Variants in SGCZ observed in about 807,000 individuals in gnomAD.
The protein encoded by SGCZ is zeta-sarcoglycan.
A neutral mutation model predicts 41.3 loss-of-function variants in SGCZ; 40 were observed. That is an observed-to-expected ratio of 0.97 (90% CI 0.75 to 1.26). SGCZ has a LOEUF of 1.26. Ranked by LOEUF, SGCZ falls within the 50% of genes most tolerant of loss-of-function variation. The pLI is 0.00. For missense variants in SGCZ, 552 were observed against 369.8 expected (o/e 1.49, Z -4.04); for synonymous variants, 206 against 137.5 (o/e 1.50, Z -3.49).
intron 2 of SGCZ, among the ~76,000 whole-genome samples, chr8:14,463,333 A>G (rs1321149582): frequency 6.6e-6 from 1 of 151,422 alleles, no homozygotes; most frequent in African/African-American, 2.4e-5. Flanking sequence ...ACAGTAATCA[A>G]TAGTGTAGTA....
rs73665750 is a variant in SGCZ, at chr8:14,087,714, T to A, written c.*2729A>T. ...TGCAATTAAGGGACCACTATATTTT[T>A]AAAAAAAAAAAAATGCTTTTTTGTG... On this transcript the variant is annotated 3_prime_UTR_variant, in exon 8 of 8. Coordinates refer to ENST00000382080, the MANE Select transcript of SGCZ (RefSeq NM_139167.4). Among the ~76,000 whole-genome samples, 15,962 of 147,448 alleles carry A rather than the reference T, an allele frequency of 0.11. 1,028 individuals carry two copies. Among genetic ancestry groups the A allele is most frequent in the African/African-American group, 0.18 (7,466 of 40,552 alleles).
intron 2 of SGCZ, among the ~76,000 whole-genome samples, chr8:14,341,959 G>C (rs886961310): frequency 6.6e-6 from 1 of 152,168 alleles, no homozygotes; most frequent in East Asian, 1.9e-4. Context: ...ATTTGTACCA[G>C]TAGAATGTGG....
chr8:14,253,935 T>C (rs1437552169), intron 3 of SGCZ, among the ~76,000 whole-genome samples: 16 of 81,066 alleles, frequency 2.0e-4, no homozygotes, highest in South Asian at 1.8e-3. Flanking sequence ...TTCTCACTTG[T>C]TCTGCTTTTC....
At chr8:14,295,239 G>C (rs189689655) in intron 3 of SGCZ, among the ~76,000 whole-genome samples, 1 of 152,244 alleles carries the variant, frequency 6.6e-6, no homozygotes, top group African/African-American at 2.4e-5. Context: ...CCATGCAGTG[G>C]GTTGCTATTC....
intron 1 of SGCZ, among the ~76,000 whole-genome samples, chr8:14,890,382 T>A (rs1804968144): frequency 6.6e-6 from 1 of 152,188 alleles, no homozygotes; most frequent in Non-Finnish European, 1.5e-5. Context: ...GAAACAGCCT[T>A]ATTTTTGATA....
chr8:14,411,225 C>A lies in SGCZ; in HGVS notation c.235-87021G>T, dbSNP rs552982537. The stretch of plus-strand genomic sequence containing the variant: ...AAGCATGTTCTCTCCTTAGAAACAG[C>A]CCTACAACTCTTACATAGTATGAAG... On this transcript the variant is annotated intron_variant, in intron 2 of 7. Coordinates refer to ENST00000382080, the MANE Select transcript of SGCZ (RefSeq NM_139167.4). 1.4e-3 allele frequency among the ~76,000 whole-genome samples: 216 copies of A among 152,138 alleles called. 1 individual carries two copies. The highest frequency in any genetic ancestry group is 2.5e-3 in the Non-Finnish European group (172 of 67,984).
At chr8:15,111,085 T>C (rs1477336062) in intron 1 of SGCZ, among the ~76,000 whole-genome samples, 1 of 152,158 alleles carries the variant, frequency 6.6e-6, no homozygotes, top group Non-Finnish European at 1.5e-5. Flanking sequence ...CAATTCACGC[T>C]TATTTCATAA....
chr8:14,434,567 A>T (rs984954957), intron 2 of SGCZ, among the ~76,000 whole-genome samples: 1 of 152,078 alleles, frequency 6.6e-6, no homozygotes, highest in Non-Finnish European at 1.5e-5. Context: ...CAGTGTGGTC[A>T]TTTTCACAAT....
intron 3 of SGCZ, among the ~76,000 whole-genome samples, chr8:14,266,274 T>TA (rs1187156505): frequency 6.6e-6 from 1 of 152,084 alleles, no homozygotes; most frequent in African/African-American, 2.4e-5. Context: ...GCAATACAAA[T>TA]ATAACAGGCA....
intron 1 of SGCZ, among the ~76,000 whole-genome samples, chr8:14,867,253 T>G (rs548274090): frequency 2.0e-5 from 3 of 152,264 alleles, no homozygotes; most frequent in Middle Eastern, 3.4e-3. Context: ...GGTCTCGATC[T>G]CCATCCATAT....
intron 1 of SGCZ, among the ~76,000 whole-genome samples, chr8:15,005,876 G>A (rs1390205564): frequency 1.3e-5 from 2 of 152,066 alleles, no homozygotes; most frequent in East Asian, 3.9e-4. Flanking sequence ...CAGATTCTTA[G>A]GAATAATTGC....
chr8:14,370,829 A>G (rs927401216), intron 2 of SGCZ, among the ~76,000 whole-genome samples: 2 of 151,938 alleles, frequency 1.3e-5, no homozygotes. Flanking sequence ...AGTTTTTGGT[A>G]AAAATTTAAA....
chr8:14,150,869 G>A (rs139633165), intron 5 of SGCZ, among the ~76,000 whole-genome samples: 1 of 152,158 alleles, frequency 6.6e-6, no homozygotes, highest in African/African-American at 2.4e-5. Flanking sequence ...CCAGTCACTT[G>A]CATCAACGTG....
chr8:14,416,133 T>A (rs1173066654), intron 2 of SGCZ, among the ~76,000 whole-genome samples: 1 of 151,942 alleles, frequency 6.6e-6, no homozygotes, highest in Non-Finnish European at 1.5e-5. Context: ...TTAGGCCAGA[T>A]CTTCCAATTA....
chr8:14,178,548 T>A (rs940583771), intron 4 of SGCZ, among the ~76,000 whole-genome samples: 1 of 152,174 alleles, frequency 6.6e-6, no homozygotes, highest in Admixed American at 6.5e-5. Context: ...CTATTGGATG[T>A]TTGTCTGTTG....
intron 2 of SGCZ, among the ~76,000 whole-genome samples, chr8:14,516,778 C>T (rs1439331307): frequency 3.3e-5 from 5 of 152,056 alleles, no homozygotes; most frequent in Non-Finnish European, 7.4e-5. Flanking sequence ...ACTATTAAAT[C>T]TGTGCCATCC....
At chr8:14,904,383 G>A (rs528032298) in intron 1 of SGCZ, among the ~76,000 whole-genome samples, 4 of 151,914 alleles carry the variant, frequency 2.6e-5, no homozygotes, top group South Asian at 2.1e-4. Context: ...AAGATTAGAC[G>A]CAGTTCAATA....
intron 5 of SGCZ, among the ~76,000 whole-genome samples, chr8:14,123,279 G>T (rs935872553): frequency 1.3e-5 from 2 of 152,128 alleles, no homozygotes; most frequent in Non-Finnish European, 2.9e-5. Context: ...CAAACAATCA[G>T]TAATTGCCAA....
At chr8:14,141,419 C>T (rs1194264780) in intron 5 of SGCZ, among the ~76,000 whole-genome samples, 2 of 152,190 alleles carry the variant, frequency 1.3e-5, no homozygotes, top group Non-Finnish European at 2.9e-5. Flanking sequence ...ATCAATCCAT[C>T]TGACAAAGGA....
Sources: gnomAD v4.1 joint callset for allele counts (sites outside exome capture counted in the v4.1 genomes callset) on GRCh38, gnomAD v4.1.1 for gene constraint, MANE v1.5 for transcripts, NCBI Gene and HGNC (gene_info 2026-07-23, HGNC 2026-07-21) for gene names.